The following EML6 variants were observed in gnomAD, a reference collection of about 807,000 sequenced individuals.
EML6 encodes echinoderm microtubule-associated protein-like 6.
A neutral mutation model predicts 240.1 loss-of-function variants in EML6; 154 were observed. The observed-to-expected ratio is 0.64, with a 90% CI of 0.56 to 0.73. EML6 has a LOEUF of 0.73. Ranked by LOEUF, EML6 falls within the 30% of genes least tolerant of loss-of-function variation. EML6 has a pLI of 0.00. For synonymous variants in EML6, 1,148 were observed against 899.0 expected, an observed-to-expected ratio of 1.28 and a Z score of -4.95; for missense variants, 2,964 against 2,474.6, an observed-to-expected ratio of 1.20 and a Z score of -4.20.
intron 28 of EML6, among the ~76,000 whole-genome samples, chr2:54,933,708 G>T (rs1323097544): frequency 6.6e-6 from 1 of 152,006 alleles, no homozygotes; most frequent in African/African-American, 2.4e-5. Flanking sequence ...CTCCAGCCTG[G>T]GTGACAGAGT....
At chr2:54,796,044 CAAAT>C (rs1393764913) in intron 2 of EML6, among the ~76,000 whole-genome samples, 1 of 152,078 alleles carries the variant, frequency 6.6e-6, no homozygotes, top group South Asian at 2.1e-4. Flanking sequence ...TAAAATTACA[CAAAT>C]AAGTCTTTAA....
intron 30 of EML6, among the ~76,000 whole-genome samples, chr2:54,952,246 G>A (rs1309975837): frequency 1.3e-5 from 2 of 152,166 alleles, no homozygotes; most frequent in East Asian, 3.9e-4. Flanking sequence ...CACCAGTCCT[G>A]TGCCATGGAG....
intron 2 of EML6, among the ~76,000 whole-genome samples, chr2:54,789,241 C>T (rs570069905): frequency 2.6e-5 from 4 of 152,088 alleles, no homozygotes; most frequent in East Asian, 1.9e-4. Flanking sequence ...CGGCCGGGCG[C>T]GGTGGCTCAC....
At chr2:54,927,704 T>C (rs1375922304) in intron 26 of EML6, among the ~76,000 whole-genome samples, 1 of 152,236 alleles carries the variant, frequency 6.6e-6, no homozygotes, top group Non-Finnish European at 1.5e-5. Flanking sequence ...AAAAAGCTTT[T>C]AGTCGTTACT....
Position 54,850,178 on chromosome 2 carries a change from T to G in EML6, c.1404T>G (p.Thr468=), listed in dbSNP as rs1402992983. ...CCTTGGATAGTAAATACTTACAAAC[T>G]AATGACGGTGCAGGAGAACGATTGT... is the stretch of plus-strand genomic sequence containing the variant. ...DWSLDSKYLQ[T]NDGAGERLFY... Residue 468 remains threonine, a synonymous_variant, in exon 10 of 42, where the codon ACT becomes ACG. Coordinates refer to ENST00000356458, the MANE Select transcript of EML6 (RefSeq NM_001039753.4). 2 of 1,551,620 alleles carry G rather than the reference T, an allele frequency of 1.3e-6. No homozygotes were observed. Among genetic ancestry groups the G allele is most frequent in the Non-Finnish European group, 1.7e-6 (2 of 1,146,894 alleles).
intron 2 of EML6, among the ~76,000 whole-genome samples, chr2:54,782,237 GT>G (rs1668886195): frequency 6.6e-6 from 1 of 152,038 alleles, no homozygotes; most frequent in South Asian, 2.1e-4. Flanking sequence ...TTGTTGATTA[GT>G]TCTTTTCCCT....
At chr2:54,922,531 C>T (rs1037864514) in intron 26 of EML6, among the ~76,000 whole-genome samples, 2 of 152,138 alleles carry the variant, frequency 1.3e-5, no homozygotes, top group African/African-American at 4.8e-5. Flanking sequence ...TCAGTAATCC[C>T]ACTTCTGGGT....
chr2:54,724,055 G>A lies in EML6; in HGVS notation c.-514+278G>A, dbSNP rs1241438249. On this transcript the variant is annotated intron_variant, in intron 1 of 41. Transcript: ENST00000356458. The surrounding 1 kb of genome is among the most constrained non-coding windows in gnomAD (Gnocchi z 5.2). ...CAGAGGTTTCTGGGGAGAAGTACACGATTTTTGCCACTTGTTATTTGATTT... is the reference window on the plus strand; with the variant it reads ...CAGAGGTTTCTGGGGAGAAGTACACAATTTTTGCCACTTGTTATTTGATTT... Among the ~76,000 whole-genome samples, 4 of 152,218 alleles carry A rather than the reference G, an allele frequency of 2.6e-5. No individual in the cohort carries two copies. Among genetic ancestry groups the A allele is most frequent in the African/African-American group, 4.8e-5 (2 of 41,464 alleles).
chr2:54,936,610 G>T (rs1573178546), intron 28 of EML6, among the ~76,000 whole-genome samples: 1 of 152,044 alleles, frequency 6.6e-6, no homozygotes, highest in African/African-American at 2.4e-5. Context: ...TTAGCTCAAG[G>T]ATTGTTTTCT....
chr2:54,928,498 C>CGT lies in EML6; in HGVS notation c.3863_3864dup (p.Glu1289TrpfsTer26). ...TGGACAGCGAGGAGTCAGACACCGA[C>CGT]GTGGAAGAGGATGGAGGTGAGCCCC... On this transcript the variant is annotated frameshift_variant, in exon 27 of 42. Transcript: ENST00000356458. LOFTEE classifies it high-confidence loss of function. 1 of 1,545,324 alleles carries CGT rather than the reference C, an allele frequency of 6.5e-7. No homozygotes were observed. Among genetic ancestry groups the CGT allele is most frequent in the Non-Finnish European group, 8.7e-7 (1 of 1,142,982 alleles).
rs141951937 is a variant in EML6, at chr2:54,958,118, T to G, written c.4695+120T>G. On this transcript the variant is annotated intron_variant, in intron 33 of 41. Transcript: ENST00000356458. ...AAACAGCAGGAAAGCCATTTCCACATTCGCTCCTGTACTGGCTTATCTGCA... is the reference window on the plus strand; with the variant it reads ...AAACAGCAGGAAAGCCATTTCCACAGTCGCTCCTGTACTGGCTTATCTGCA... 3.5e-4 allele frequency: 287 copies of G among 823,578 alleles called. 2 individuals are homozygous for G. The African/African-American group carries it at 4.4e-3, about 13-fold the overall frequency. The allele number at this position is 823,578 out of a possible 1,614,324, so 51.0% of individuals were successfully genotyped here.
chr2:54,883,225 T>C (rs1282043282), intron 17 of EML6, among the ~76,000 whole-genome samples: 1 of 152,200 alleles, frequency 6.6e-6, no homozygotes, highest in African/African-American at 2.4e-5. Flanking sequence ...TTTTCTAGTA[T>C]TTGTATTCAT....
intron 2 of EML6, among the ~76,000 whole-genome samples, chr2:54,758,023 C>G (rs551985403): frequency 5.1e-4 from 78 of 152,042 alleles, no homozygotes; most frequent in Middle Eastern, 6.8e-3. Flanking sequence ...TGCTTTAAAA[C>G]TGAAAGTCTT....
chr2:54,869,085 G>A (rs764531711), intron 14 of EML6, 96 bp from the exon 15 acceptor site: 4 of 756,306 alleles, frequency 5.3e-6, no homozygotes, highest in Non-Finnish European at 8.5e-6. Context: ...ACTTGTACAT[G>A]TTCACGTCAA....
At chr2:54,895,080 A>T in intron 20 of EML6, 54 bp downstream of exon 20, 3 of 1,423,412 alleles carry the variant, frequency 2.1e-6, no homozygotes, top group Non-Finnish European at 2.9e-6. Context: ...GATGGAGAAG[A>T]TTGTACTAAA....
intron 26 of EML6, among the ~76,000 whole-genome samples, chr2:54,926,997 C>T (rs1674583418): frequency 6.6e-6 from 1 of 152,228 alleles, no homozygotes; most frequent in African/African-American, 2.4e-5. Flanking sequence ...TGTGCTCCTG[C>T]TTCCAGCTAG....
intron 2 of EML6, among the ~76,000 whole-genome samples, chr2:54,777,494 C>A (rs1200688740): frequency 6.6e-6 from 1 of 152,170 alleles, no homozygotes; most frequent in Non-Finnish European, 1.5e-5. Context: ...ACTATTAGCA[C>A]CATTTCTCAG....
At chr2:54,924,966 C>T (rs930230151) in intron 26 of EML6, among the ~76,000 whole-genome samples, 1 of 152,308 alleles carries the variant, frequency 6.6e-6, no homozygotes, top group East Asian at 1.9e-4. Context: ...ACTTGTCTAA[C>T]TGCTATCACT....
chr2:54,808,030 T>C (rs1335186166), intron 2 of EML6, among the ~76,000 whole-genome samples: 1 of 152,244 alleles, frequency 6.6e-6, no homozygotes, highest in East Asian at 1.9e-4. Context: ...AGTCCAGTTT[T>C]AGGGACCCCC....
Sources: allele counts gnomAD v4.1 joint callset (sites outside exome capture counted in the v4.1 genomes callset), GRCh38; gene constraint gnomAD v4.1.1; non-coding constraint Gnocchi (gnomAD v3.1); transcripts MANE v1.5; gene names NCBI Gene and HGNC (gene_info 2026-07-23, HGNC 2026-07-21).